Variants in ZSCAN32 observed in about 807,000 individuals in gnomAD.
The protein encoded by ZSCAN32 is zinc finger and SCAN domain containing 32, also known as zinc finger and SCAN domain-containing protein 32.
A neutral mutation model predicts 47.4 loss-of-function variants in ZSCAN32; 52 were observed. That is an observed-to-expected ratio of 1.10 (90% CI 0.88 to 1.38). The LOEUF (loss-of-function observed/expected upper bound fraction) is 1.38. ZSCAN32 is among the 40% of genes most tolerant of loss of function. The probability of loss-of-function intolerance (pLI) is 0.00; values close to 1 mark genes in which losing one functional copy is unlikely to be tolerated. For synonymous variants in ZSCAN32, 346 were observed against 305.7 expected (o/e 1.13, Z -1.38); for missense variants, 959 against 846.0 (o/e 1.13, Z -1.66).
Position 3,383,310 on chromosome 16 carries a change from C to A in ZSCAN32, c.1636G>T (p.Glu546Ter), listed in dbSNP as rs139612347. 11 of 1,614,064 alleles carry A rather than the reference C, an allele frequency of 6.8e-6. No individual in the cohort carries two copies. The highest frequency in any genetic ancestry group is 9.3e-6 in the Non-Finnish European group (11 of 1,180,042). The change falls in exon 7 of 7, where the codon GAG becomes TAG. Residue 546 changes from glutamate (E) to a stop codon, truncating the protein, a stop_gained. Transcript: ENST00000396852. LOFTEE classifies it low-confidence loss of function (END_TRUNC). ...CACTCACTGCACTTGTGAGGCTTCT[C>A]GCCTGTGTGGATTCTTTGATGCCGA... ...LVRHQRIHTG[E>*]KPHKCSECGK...
In ZSCAN32 at chr16:3,383,042, C is replaced by T; in HGVS notation, c.1904G>A (p.Cys635Tyr). Residue 635 changes from cysteine to tyrosine, a missense_variant, in exon 7 of 7, where the codon TGT (cysteine) becomes TAT (tyrosine). Coordinates refer to ENST00000396852, the MANE Select transcript of ZSCAN32 (RefSeq NM_001284527.2). ...RIHTGESPYK[C>Y]AVCGKIFNNS... ...GTTGAAGATTTTCCCACACACTGCA[C>T]ACTTGTATGGGCTCTCCCCAGTGTG... 2 of 1,614,088 alleles carry T rather than the reference C, an allele frequency of 1.2e-6. No homozygotes were observed. The highest frequency in any genetic ancestry group is 1.7e-6 in the Non-Finnish European group (2 of 1,179,972).
chr16:3,395,214 G>A (rs1419220285), intron 2 of ZSCAN32, among the ~76,000 whole-genome samples: 1 of 152,164 alleles, frequency 6.6e-6, no homozygotes, highest in African/African-American at 2.4e-5. Context: ...GGTACTGAGA[G>A]GCAAGTGGGG....
intron 2 of ZSCAN32, among the ~76,000 whole-genome samples, 178 bp from the exon 3 acceptor site, chr16:3,393,992 G>A (rs975515083): frequency 2.6e-5 from 4 of 152,210 alleles, no homozygotes; most frequent in African/African-American, 9.6e-5. Flanking sequence ...TTGAGGGGCA[G>A]TAGCTTACGC....
chr16:3,397,785 T>G, intron 1 of ZSCAN32, 41 bp from the exon 2 acceptor site: 2 of 453,596 alleles, frequency 4.4e-6, no homozygotes, highest in Non-Finnish European at 3.9e-6. Flanking sequence ...CTATCAAACA[T>G]TCCTTCACTC....
chr16:3,396,317 C>G (rs1465977115), intron 2 of ZSCAN32, among the ~76,000 whole-genome samples: 1 of 152,186 alleles, frequency 6.6e-6, no homozygotes, highest in East Asian at 1.9e-4. Flanking sequence ...AGTACTAACT[C>G]TTCAATCCTA....
At chr16:3,389,337 C>T (rs1284559908) in intron 5 of ZSCAN32, among the ~76,000 whole-genome samples, 1 of 152,154 alleles carries the variant, frequency 6.6e-6, no homozygotes, top group Non-Finnish European at 1.5e-5. Flanking sequence ...GTAGTCCCTC[C>T]CACCCTGGGC....
chr16:3,393,878 A>G (rs994603823), intron 2 of ZSCAN32, 64 bp from the exon 3 acceptor site: 2 of 1,362,232 alleles, frequency 1.5e-6, no homozygotes, highest in East Asian at 5.2e-5. Flanking sequence ...TACAACTCCT[A>G]AGAGTGGCAT....
chr16:3,382,838 G>C lies in ZSCAN32; in HGVS notation c.*14C>G. 1.3e-6 allele frequency: 2 copies of C among 1,541,042 alleles called. No individual in the cohort carries two copies. The highest frequency in any genetic ancestry group is 1.8e-6 in the Non-Finnish European group (2 of 1,142,096). On this transcript the variant is annotated 3_prime_UTR_variant, in exon 7 of 7. Coordinates refer to ENST00000396852, the MANE Select transcript of ZSCAN32 (RefSeq NM_001284527.2). Reference sequence around the variant, plus strand: ...CTGACCTGAGGAACTTAATCTGACAGTTTACCGACACACTCATAACGCATC... The same window carrying C: ...CTGACCTGAGGAACTTAATCTGACACTTTACCGACACACTCATAACGCATC...
chr16:3,382,941 C>T lies in ZSCAN32; in HGVS notation c.2005G>A (p.Gly669Ser). The change falls in exon 7 of 7, where the codon GGC (glycine) becomes AGC (serine). Residue 669 changes from glycine to serine, a missense_variant. Gly to Ser is a moderately conservative substitution (Grantham distance 56). Coordinates refer to ENST00000396852, the MANE Select transcript of ZSCAN32 (RefSeq NM_001284527.2). ...GTGAGGGCAGAGTTCTTAGTGAAGC[C>T]TCTCTCACAGTGAGAACACCTGTAA... ...KPYRCSHCER[G>S]FTKNSALTRH... is the part of the protein sequence containing the mutation. 1.2e-6 allele frequency: 2 copies of T among 1,613,690 alleles called. No homozygotes were observed. Among genetic ancestry groups the T allele is most frequent in the Non-Finnish European group, 1.7e-6 (2 of 1,179,746 alleles).
chr16:3,384,365 C>G (rs1232936463), intron 6 of ZSCAN32, 94 bp downstream of exon 6: 1 of 1,513,020 alleles, frequency 6.6e-7, no homozygotes, highest in South Asian at 1.2e-5. Flanking sequence ...ATGATGATGC[C>G]AGGATCAGTG....
At position 3,397,538 on chromosome 16, in the gene ZSCAN32, C is replaced by A; in HGVS notation, c.20G>T (p.Ser7Ile). ...GTTTGAGGATGGGTGTGCCTCGGTA[C>A]TCTTCACTGCAGCCATCATTTGCTT... MMAAVK[S>I]TEAHPSSNKD... The change falls in exon 2 of 7, where the codon AGT becomes ATT. Residue 7 changes from serine to isoleucine, a missense_variant. Transcript: ENST00000396852. The A allele has an allele frequency of 6.5e-7, 1 of 1,542,944 alleles. No individual in the cohort carries two copies. The highest frequency in any genetic ancestry group is 1.4e-5 in the African/African-American group (1 of 72,920).
In ZSCAN32 at chr16:3,384,922, G is replaced by C. The variant is rs374053067; in HGVS notation, c.771C>G (p.Gly257=). The C allele has an allele frequency of 2.2e-5, 35 of 1,612,842 alleles. No individual in the cohort carries two copies. Among genetic ancestry groups the C allele is most frequent in the Non-Finnish European group, 2.8e-5 (33 of 1,179,774 alleles). ...HVSLATGVPW[G]YEETKTLLAI... is the part of the protein sequence containing the mutation. ...CCAGGAGCGTCTTGGTCTCTTCATAGCCCCAGGGCACACCTGTTGCTGGGG... is the reference window on the plus strand; with the variant it reads ...CCAGGAGCGTCTTGGTCTCTTCATACCCCCAGGGCACACCTGTTGCTGGGG... Residue 257 remains glycine (G), a synonymous_variant, in exon 6 of 7, where the codon GGC becomes GGG. Transcript: ENST00000396852.
Position 3,383,618 on chromosome 16 carries a change from C to T in ZSCAN32, c.1328G>A (p.Arg443Lys). The change falls in exon 7 of 7, where the codon AGA becomes AAA. Residue 443 changes from arginine (R) to lysine (K), a missense_variant. By Grantham distance (26) the Arg-to-Lys change is conservative. Coordinates refer to ENST00000396852, the MANE Select transcript of ZSCAN32 (RefSeq NM_001284527.2). The stretch of plus-strand genomic sequence containing the variant: ...TAGCTCAGAGTGCCAATAAACTCCT[C>T]TGGACTTTCTCTGTAAAGCCTTGTT... ...EINKALQRKSRGVYWHSELQK... is the reference protein window; with the variant it reads ...EINKALQRKSKGVYWHSELQK... The T allele has an allele frequency of 6.2e-7, 1 of 1,613,586 alleles. No individual in the cohort carries two copies. Among genetic ancestry groups the T allele is most frequent in the South Asian group, 1.1e-5 (1 of 91,078 alleles).
intron 2 of ZSCAN32, among the ~76,000 whole-genome samples, chr16:3,394,155 A>C (rs1402507909): frequency 6.6e-6 from 1 of 152,052 alleles, no homozygotes; most frequent in Admixed American, 6.6e-5. Context: ...AACCCCAGCT[A>C]TTTGGGAGGC....
intron 5 of ZSCAN32, among the ~76,000 whole-genome samples, chr16:3,387,240 G>A (rs964789551): frequency 1.3e-5 from 2 of 152,156 alleles, no homozygotes; most frequent in South Asian, 2.1e-4. Flanking sequence ...GGCCACATAA[G>A]AGGACACAGT....
Position 3,382,318 on chromosome 16 carries a change from C to T in ZSCAN32, c.*534G>A, listed in dbSNP as rs1048744945. On this transcript the variant is annotated 3_prime_UTR_variant, in exon 7 of 7. Coordinates refer to ENST00000396852, the MANE Select transcript of ZSCAN32 (RefSeq NM_001284527.2). ...TTAGGGAAACAGATTCAGTATTATC[C>T]AATGGCTTAACCATCCTTCCTTCTT... 6.6e-6 allele frequency: 1 copy of T among 152,328 alleles called. No homozygotes were observed. Among genetic ancestry groups the T allele is most frequent in the Admixed American group, 6.5e-5 (1 of 15,286 alleles). 9.4% of individuals were successfully genotyped at this position (152,328 alleles called of 1,614,324 possible). A position where few individuals can be genotyped will look rare whatever the true frequency, so the allele number is the denominator to read the frequency against.
At chr16:3,399,632 G>C (rs905954507) in intron 1 of ZSCAN32, among the ~76,000 whole-genome samples, 2 of 152,080 alleles carry the variant, frequency 1.3e-5, no homozygotes, top group Admixed American at 6.6e-5. Flanking sequence ...TATCTTTAGA[G>C]ATGGAGTCTC....
At chr16:3,387,108 C>G (rs1296543051) in intron 5 of ZSCAN32, among the ~76,000 whole-genome samples, 1 of 152,092 alleles carries the variant, frequency 6.6e-6, no homozygotes, top group African/African-American at 2.4e-5. Context: ...GGGTTATTTA[C>G]TAAAGCTGCC....
At chr16:3,389,088 A>T (rs2032351100) in intron 5 of ZSCAN32, among the ~76,000 whole-genome samples, 1 of 152,222 alleles carries the variant, frequency 6.6e-6, no homozygotes, top group Admixed American at 6.5e-5. Flanking sequence ...TAGTAATACA[A>T]ATCTCAATAC....
Sources: allele counts gnomAD v4.1 joint callset (sites outside exome capture counted in the v4.1 genomes callset), GRCh38; gene constraint gnomAD v4.1.1; transcripts MANE v1.5; gene names NCBI Gene and HGNC (gene_info 2026-07-23, HGNC 2026-07-21).